Variants in SORCS2 observed in about 807,000 individuals in gnomAD.
The protein encoded by SORCS2 is VPS10 domain-containing receptor SorCS2.
In SORCS2, 100 loss-of-function variants were observed where a neutral mutation model predicts 141.6. The observed-to-expected ratio is 0.71, with a 90% CI of 0.60 to 0.83. The LOEUF is 0.83. Ranked by LOEUF, SORCS2 falls within the 40% of genes least tolerant of loss-of-function variation. SORCS2 has a pLI of 0.00. For missense variants in SORCS2, 1,646 were observed against 1,560.2 expected (o/e 1.05, Z -0.93); for synonymous variants, 789 against 676.9 (o/e 1.17, Z -2.57).
rs1031128860 is a variant in SORCS2, at chr4:7,737,015, C to T, written c.3312-54C>T. On this transcript the variant is annotated intron_variant, in intron 25 of 26. Transcript: ENST00000507866. The stretch of plus-strand genomic sequence containing the variant: ...GGCGGCCAGCGGAAGGCTCCAGGGA[C>T]AGGCGGCCTGGGAAGCCCCTCCAAG... 12 of 1,545,616 alleles carry T rather than the reference C, an allele frequency of 7.8e-6. No individual in the cohort carries two copies. In the African/African-American group the frequency reaches 1.2e-4, roughly 16 times the overall value.
chr4:7,206,781 G>A (rs1052409279), intron 1 of SORCS2, among the ~76,000 whole-genome samples: 1 of 152,106 alleles, frequency 6.6e-6, no homozygotes, highest in Non-Finnish European at 1.5e-5. Flanking sequence ...AATTGAATTA[G>A]GGCATTTAAA....
At chr4:7,357,030 T>C (rs114520091) in intron 1 of SORCS2, among the ~76,000 whole-genome samples, 3,455 of 152,274 alleles carry the variant, frequency 0.023, 49 homozygotes, top group Middle Eastern at 0.054. Flanking sequence ...CTGGGGACGG[T>C]GGGCTGCAGG....
intron 2 of SORCS2, among the ~76,000 whole-genome samples, chr4:7,519,467 C>T (rs901094598): frequency 6.6e-6 from 1 of 152,218 alleles, no homozygotes; most frequent in African/African-American, 2.4e-5. Flanking sequence ...CGTCGTGAGT[C>T]TCAGTCTCCC....
intron 3 of SORCS2, among the ~76,000 whole-genome samples, chr4:7,564,105 G>A (rs1231721832): frequency 1.3e-5 from 2 of 152,224 alleles, no homozygotes; most frequent in Non-Finnish European, 2.9e-5. Context: ...TGGGGATGGA[G>A]GGACAGGTGT....
At chr4:7,486,464 G>C (rs1384516669) in intron 2 of SORCS2, among the ~76,000 whole-genome samples, 1 of 152,198 alleles carries the variant, frequency 6.6e-6, no homozygotes. Flanking sequence ...TGTCTTGCAA[G>C]AAGGTCCCAT....
At chr4:7,401,023 ACAGG>A (rs1182294399) in intron 2 of SORCS2, among the ~76,000 whole-genome samples, 1 of 147,006 alleles carries the variant, frequency 6.8e-6, no homozygotes, top group Non-Finnish European at 1.5e-5. Flanking sequence ...GAATTGATGG[ACAGG>A]TGGATGGATG....
chr4:7,469,117 A>G (rs1729809721), intron 2 of SORCS2, among the ~76,000 whole-genome samples: 1 of 138,392 alleles, frequency 7.2e-6, no homozygotes, highest in South Asian at 2.1e-4. Context: ...GGTGGTGGTG[A>G]TGGTGCTGAT....
rs1406579416 is a variant in SORCS2 at position 7,676,723 on chromosome 4, TCTCTCC to T, written c.1341+506_1341+511del. On this transcript the variant is annotated intron_variant, in intron 9 of 26. Transcript: ENST00000507866. ...TGTGTCTGAAATCTGCCTTTCTCTC[TCTCTCC>T]CTCTCCCTCTCTCCACCCCCGCCCT... 1.2e-3 allele frequency among the ~76,000 whole-genome samples: 182 copies of T among 149,296 alleles called. 3 individuals are homozygous for T. Among genetic ancestry groups the T allele is most frequent in the African/African-American group, 4.2e-3 (170 of 40,024 alleles).
At chr4:7,624,932 C>T (rs113322020) in intron 3 of SORCS2, among the ~76,000 whole-genome samples, 9 of 152,332 alleles carry the variant, frequency 5.9e-5, no homozygotes, top group African/African-American at 2.2e-4. Context: ...CGGGGGCTCT[C>T]GTCTCACAAA....
intron 2 of SORCS2, among the ~76,000 whole-genome samples, chr4:7,513,748 T>TG (rs1732802624): frequency 6.6e-6 from 1 of 152,172 alleles, no homozygotes; most frequent in South Asian, 2.1e-4. Flanking sequence ...CAGCCTTCCT[T>TG]GGGAACGACT....
chr4:7,662,622 CAGAG>C (rs1462889358), intron 6 of SORCS2, among the ~76,000 whole-genome samples: 2 of 152,216 alleles, frequency 1.3e-5, no homozygotes, highest in Non-Finnish European at 2.9e-5. Flanking sequence ...ACATGTGCTA[CAGAG>C]AGAAAGATTC....
intron 2 of SORCS2, among the ~76,000 whole-genome samples, chr4:7,514,167 G>A (rs1180145931): frequency 6.6e-6 from 1 of 152,074 alleles, no homozygotes; most frequent in Non-Finnish European, 1.5e-5. Context: ...ATGAAGCGGG[G>A]GCCACTCAGC....
At chr4:7,682,689 G>C in intron 9 of SORCS2, 54 bp from the exon 10 acceptor site, 1 of 1,543,636 alleles carries the variant, frequency 6.5e-7, no homozygotes, top group South Asian at 1.2e-5. Context: ...TGGATACTTG[G>C]TCATCAGAGT....
intron 3 of SORCS2, among the ~76,000 whole-genome samples, chr4:7,560,033 G>C (rs962145649): frequency 2.5e-4 from 38 of 152,346 alleles, no homozygotes; most frequent in Middle Eastern, 3.4e-3. Context: ...AAGGCGGGGA[G>C]GCTTCTGTGG....
chr4:7,701,944 G>C (rs2109013007), intron 12 of SORCS2, among the ~76,000 whole-genome samples: 1 of 152,276 alleles, frequency 6.6e-6, no homozygotes, highest in Non-Finnish European at 1.5e-5. Flanking sequence ...GTTAGGCTCT[G>C]CACCTGCTAG....
intron 1 of SORCS2, among the ~76,000 whole-genome samples, chr4:7,263,951 C>T (rs1300742145): frequency 6.6e-6 from 1 of 151,838 alleles, no homozygotes; most frequent in Non-Finnish European, 1.5e-5. Flanking sequence ...CACTCACTCA[C>T]TCATTCACTC....
At position 7,704,220 on chromosome 4, in the gene SORCS2, A is replaced by G; in HGVS notation, c.1804A>G (p.Thr602Ala). The G allele has an allele frequency of 6.2e-7, 1 of 1,613,192 alleles. No individual in the cohort carries two copies. The highest frequency in any genetic ancestry group is 1.1e-5 in the South Asian group (1 of 90,758). The part of the protein sequence containing the change: ...EGLTWSTHNF[T>A]STSVFVDGLL... The stretch of plus-strand genomic sequence containing the variant: ...CCTCACCTGGAGCACGCACAACTTC[A>G]CCAGCACCTCGGTGTTTGTGGACGG... The change falls in exon 14 of 27, where the codon ACC becomes GCC. Residue 602 changes from threonine to alanine, a missense_variant. By Grantham distance (58) the Thr-to-Ala change is moderately conservative. Coordinates refer to ENST00000507866, the MANE Select transcript of SORCS2 (RefSeq NM_020777.3).
chr4:7,706,352 T>C (rs368267533), intron 14 of SORCS2, among the ~76,000 whole-genome samples: 65 of 25,428 alleles, frequency 2.6e-3, no homozygotes, highest in Middle Eastern at 0.033. Flanking sequence ...CTGGGCTCCG[T>C]CTGGGCAGGG....
chr4:7,467,890 C>A (rs1411661614), intron 2 of SORCS2, among the ~76,000 whole-genome samples: 1 of 152,252 alleles, frequency 6.6e-6, no homozygotes, highest in African/African-American at 2.4e-5. Context: ...CCCTGGGAGG[C>A]TCAAGCCCCT....
Sources: allele counts gnomAD v4.1 joint callset (sites outside exome capture counted in the v4.1 genomes callset), GRCh38; gene constraint gnomAD v4.1.1; transcripts MANE v1.5; gene names NCBI Gene and HGNC (gene_info 2026-07-23, HGNC 2026-07-21).